ATP13A4: variants seen among roughly 807,000 people sequenced by gnomAD.
ATP13A4 encodes ATPase 13A4, also known as probable cation-transporting ATPase 13A4.
ATP13A4 carries 114 observed loss-of-function variants against 142.5 expected under a neutral mutation model. The observed-to-expected ratio is 0.80, with a 90% CI of 0.69 to 0.93. The LOEUF (loss-of-function observed/expected upper bound fraction) is 0.93. ATP13A4 is among the 40% of genes least tolerant of loss of function. The pLI, the probability that ATP13A4 is intolerant of heterozygous loss-of-function variation, is 0.00. For synonymous variants in ATP13A4, 488 were observed against 514.8 expected (o/e 0.95, Z 0.70); for missense variants, 1,392 against 1,454.0 (o/e 0.96, Z 0.69).
intron 7 of ATP13A4, among the ~76,000 whole-genome samples, chr3:193,486,472 CTT>C (rs1488305721): frequency 6.6e-6 from 1 of 152,124 alleles, no homozygotes; most frequent in African/African-American, 2.4e-5. Context: ...AATCAAAGGA[CTT>C]TCTGTGTAGT....
intron 2 of ATP13A4, among the ~76,000 whole-genome samples, chr3:193,577,021 A>G (rs562504539): frequency 1.3e-5 from 2 of 152,362 alleles, no homozygotes; most frequent in South Asian, 4.1e-4. Flanking sequence ...ACGTAAGCTC[A>G]GAACCTCAGG....
chr3:193,534,533 T>C (rs1722493937), intron 1 of ATP13A4, among the ~76,000 whole-genome samples: 2 of 151,796 alleles, frequency 1.3e-5, no homozygotes, highest in South Asian at 2.1e-4. Context: ...AGAAGATACA[T>C]AAAACCAAAA....
At chr3:193,483,795 T>A in intron 8 of ATP13A4, 141 bp downstream of exon 8, 1 of 784,062 alleles carries the variant, frequency 1.3e-6, no homozygotes, top group Non-Finnish European at 2.1e-6. Context: ...AAAAAAAACT[T>A]AAGTTCCTCA....
At chr3:193,512,114 G>A (rs1427357957) in intron 2 of ATP13A4, among the ~76,000 whole-genome samples, 1 of 152,194 alleles carries the variant, frequency 6.6e-6, no homozygotes, top group East Asian at 1.9e-4. Flanking sequence ...GACCCTGCAA[G>A]GCAGAGCGTG....
At chr3:193,461,852 G>A (rs1373594200) in intron 13 of ATP13A4, among the ~76,000 whole-genome samples, 1 of 152,120 alleles carries the variant, frequency 6.6e-6, no homozygotes, top group Non-Finnish European at 1.5e-5. Flanking sequence ...GGCCACAAGA[G>A]GGCCACAGGA....
chr3:193,586,130 C>T (rs1035854767), intron 1 of ATP13A4, among the ~76,000 whole-genome samples: 10 of 151,526 alleles, frequency 6.6e-5, no homozygotes, highest in African/African-American at 2.2e-4. Context: ...TACACACACA[C>T]GCATATCGTC....
intron 2 of ATP13A4, among the ~76,000 whole-genome samples, chr3:193,560,135 C>T (rs1723983912): frequency 6.6e-6 from 1 of 152,030 alleles, no homozygotes; most frequent in African/African-American, 2.4e-5. Context: ...AACGATTTGT[C>T]CAAGATCACA....
intron 2 of ATP13A4, among the ~76,000 whole-genome samples, chr3:193,510,539 A>G (rs1721087704): frequency 6.6e-6 from 1 of 152,248 alleles, no homozygotes. Flanking sequence ...GAAACGTGGC[A>G]TTGCTACTGA....
At chr3:193,577,936 G>T (rs1477972114) in intron 2 of ATP13A4, among the ~76,000 whole-genome samples, 1 of 152,200 alleles carries the variant, frequency 6.6e-6, no homozygotes, top group Admixed American at 6.5e-5. Flanking sequence ...TCTCTGAATA[G>T]AGAATATGTT....
At chr3:193,476,467 C>A (rs980101203) in intron 8 of ATP13A4, among the ~76,000 whole-genome samples, 2 of 152,062 alleles carry the variant, frequency 1.3e-5, no homozygotes, top group African/African-American at 4.8e-5. Flanking sequence ...CAACTTTCTC[C>A]GCATCCACAG....
chr3:193,399,926 G>T lies in ATP13A4; in HGVS notation c.*2726C>A, dbSNP rs571254198. Among the ~76,000 whole-genome samples, 1 of 150,498 alleles carries T rather than the reference G, an allele frequency of 6.6e-6. No individual in the cohort carries two copies. Among genetic ancestry groups the T allele is most frequent in the African/African-American group, 2.4e-5 (1 of 40,944 alleles). ...GTGTATCAAGCTTGAAAGAGATCTT[G>T]CAGGTAATTGAGTTTCATCTGATAC... On this transcript the variant is annotated 3_prime_UTR_variant, in exon 30 of 30. Transcript: ENST00000342695.
chr3:193,564,604 T>C (rs1042744185), intron 2 of ATP13A4, among the ~76,000 whole-genome samples: 1 of 152,208 alleles, frequency 6.6e-6, no homozygotes, highest in African/African-American at 2.4e-5. Context: ...TGACATATTT[T>C]ATACTTTGGA....
At chr3:193,444,843 G>A (rs1716849136) in intron 18 of ATP13A4, among the ~76,000 whole-genome samples, 1 of 152,200 alleles carries the variant, frequency 6.6e-6, no homozygotes, top group Non-Finnish European at 1.5e-5. Flanking sequence ...AGCCGAAGTG[G>A]TAGGAAGGAG....
intron 8 of ATP13A4, among the ~76,000 whole-genome samples, chr3:193,477,808 G>A (rs926765194): frequency 1.3e-5 from 2 of 152,032 alleles, no homozygotes; most frequent in African/African-American, 4.8e-5. Flanking sequence ...CTGTCCAGGG[G>A]AGAGCCACGA....
chr3:193,420,175 T>G lies in ATP13A4; in HGVS notation c.2843-5425A>C, dbSNP rs532195277. Among the ~76,000 whole-genome samples the G allele has an allele frequency of 6.0e-5, 9 of 149,878 alleles. No homozygotes were observed. In the South Asian group the frequency reaches 1.7e-3, roughly 28 times the overall value. ...TATAACCCAGCACTACTGCAGCTGCTTATAGGTCATGCCAGACCTGACACC... is the reference window on the plus strand; with the variant it reads ...TATAACCCAGCACTACTGCAGCTGCGTATAGGTCATGCCAGACCTGACACC... On this transcript the variant is annotated intron_variant, in intron 25 of 29. Transcript: ENST00000342695.
intron 1 of ATP13A4, among the ~76,000 whole-genome samples, chr3:193,541,749 CATGTGACAACAAG>C (rs1722943777): frequency 2.0e-5 from 3 of 152,118 alleles, no homozygotes; most frequent in Non-Finnish European, 4.4e-5. Flanking sequence ...TAGGAGAGGG[CATGTGACAACAAG>C]CATAGTATTC....
intron 1 of ATP13A4, among the ~76,000 whole-genome samples, chr3:193,589,908 A>T (rs776261234): frequency 1.2e-4 from 18 of 151,134 alleles, no homozygotes; most frequent in Admixed American, 5.9e-4. Flanking sequence ...GTATTCATAT[A>T]ATTTATTCAT....
At chr3:193,466,493 C>T (rs973908620) in intron 10 of ATP13A4, among the ~76,000 whole-genome samples, 2 of 152,154 alleles carry the variant, frequency 1.3e-5, no homozygotes, top group African/African-American at 4.8e-5. Flanking sequence ...ATGACTCAAA[C>T]GTGTGCACGC....
At chr3:193,417,674 T>TAA (rs879377428) in intron 25 of ATP13A4, among the ~76,000 whole-genome samples, 6,816 of 150,792 alleles carry the variant, frequency 0.045, 345 homozygotes, top group East Asian at 0.16. Context: ...CTGGGAGTTC[T>TAA]ACCCAGAGAC....
Sources: gnomAD v4.1 joint callset for allele counts (sites outside exome capture counted in the v4.1 genomes callset) on GRCh38, gnomAD v4.1.1 for gene constraint, MANE v1.5 for transcripts, NCBI Gene and HGNC (gene_info 2026-07-23, HGNC 2026-07-21) for gene names.